The following GOLGA4 variants were observed in gnomAD, a reference collection of about 807,000 sequenced individuals.
The protein encoded by GOLGA4 is golgin A4.
Under a neutral mutation model 265.9 loss-of-function variants are expected in GOLGA4, and 169 were observed. The observed-to-expected ratio is 0.64, with a 90% CI of 0.56 to 0.72. GOLGA4 has a LOEUF of 0.72. GOLGA4 is among the 30% of genes least tolerant of loss of function. The pLI is 0.00. For synonymous variants in GOLGA4, 923 were observed against 855.8 expected (o/e 1.08, Z -1.37); for missense variants, 2,482 against 2,483.4 (o/e 1.00, Z 0.01).
At chr3:37,305,098 T>TTCTATTAA (rs1559405726) in intron 10 of GOLGA4, among the ~76,000 whole-genome samples, 1 of 152,134 alleles carries the variant, frequency 6.6e-6, no homozygotes, top group Non-Finnish European at 1.5e-5. Context: ...TTTGTATTTT[T>TTCTATTAA]AATAGAGACC....
At chr3:37,277,536 A>G (rs2096822737) in intron 2 of GOLGA4, among the ~76,000 whole-genome samples, 1 of 152,268 alleles carries the variant, frequency 6.6e-6, no homozygotes, top group African/African-American at 2.4e-5. Context: ...TAAGGACTGT[A>G]TAATTCATTA....
chr3:37,319,069 T>G lies in GOLGA4; in HGVS notation c.1420T>G (p.Ser474Ala). 6.3e-7 allele frequency: 1 copy of G among 1,589,708 alleles called. No homozygotes were observed. The highest frequency in any genetic ancestry group is 8.6e-7 in the Non-Finnish European group (1 of 1,169,526). ...CTATTTGGCTCATTTTCAGAAATCC[T>G]CAGAAGAACAAATTGCTAAGCTACA... ...QEVVDVMKKS[S>A]EEQIAKLQKL... Residue 474 changes from serine (S) to alanine (A), a missense_variant, in exon 12 of 24, where the codon TCA becomes GCA. By Grantham distance (99) the Ser-to-Ala change is moderately conservative. Around this residue, in one of 3 missense-constraint regions of GOLGA4, gnomAD observed 1,536 missense variants for 1,483.7 expected, o/e 1.04. Coordinates refer to ENST00000361924, the MANE Select transcript of GOLGA4 (RefSeq NM_002078.5).
chr3:37,332,667 T>A (rs1245616867), intron 16 of GOLGA4, among the ~76,000 whole-genome samples: 1 of 152,166 alleles, frequency 6.6e-6, no homozygotes, highest in African/African-American at 2.4e-5. Context: ...TACCCATTCC[T>A]CCTGTGTTCT....
At chr3:37,362,780 CTTTTTTT>C (rs71094906) in intron 23 of GOLGA4, among the ~76,000 whole-genome samples, 1 of 75,464 alleles carries the variant, frequency 1.3e-5, no homozygotes, top group Non-Finnish European at 2.8e-5. Flanking sequence ...AGCCTCTAAG[CTTTTTTT>C]TTTTTTTTTT....
chr3:37,365,572 A>G (rs1696686045), intron 23 of GOLGA4, among the ~76,000 whole-genome samples: 1 of 151,638 alleles, frequency 6.6e-6, no homozygotes, highest in African/African-American at 2.4e-5. Context: ...CCAGCCTGTC[A>G]TCTTTAATTC....
intron 5 of GOLGA4, among the ~76,000 whole-genome samples, chr3:37,291,273 T>A (rs1278030052): frequency 6.6e-6 from 1 of 150,648 alleles, no homozygotes; most frequent in African/African-American, 2.5e-5. Context: ...GGAATACCTG[T>A]TTTTTTTTCC....
chr3:37,352,629 G>T (rs1269843364), intron 21 of GOLGA4, among the ~76,000 whole-genome samples: 1 of 151,946 alleles, frequency 6.6e-6, no homozygotes, highest in Admixed American at 6.6e-5. Flanking sequence ...CTACGGCTTT[G>T]TCACTTCCCT....
intron 2 of GOLGA4, among the ~76,000 whole-genome samples, chr3:37,263,849 G>T (rs192149777): frequency 6.6e-6 from 1 of 152,352 alleles, no homozygotes; most frequent in African/African-American, 2.4e-5. Context: ...CACAGAAGAG[G>T]TGAATTAAAT....
intron 19 of GOLGA4, among the ~76,000 whole-genome samples, chr3:37,339,103 C>T (rs2097024380): frequency 6.6e-6 from 1 of 152,080 alleles, no homozygotes; most frequent in Non-Finnish European, 1.5e-5. Context: ...ACCTCATGAT[C>T]TGCCTGCCTC....
At chr3:37,339,897 TA>T (rs2097027142) in intron 19 of GOLGA4, among the ~76,000 whole-genome samples, 1 of 151,640 alleles carries the variant, frequency 6.6e-6, no homozygotes, top group South Asian at 2.1e-4. Context: ...GTAATTTATG[TA>T]TTTTTTTCTT....
intron 23 of GOLGA4, among the ~76,000 whole-genome samples, chr3:37,363,939 A>G (rs1335663150): frequency 6.6e-6 from 1 of 152,194 alleles, no homozygotes; most frequent in Non-Finnish European, 1.5e-5. Flanking sequence ...AGATCAAGCT[A>G]CGGTTTCAAA....
At chr3:37,289,133 A>G in intron 4 of GOLGA4, 102 bp from the exon 5 acceptor site, 1 of 661,164 alleles carries the variant, frequency 1.5e-6, no homozygotes, top group Non-Finnish European at 2.6e-6. Flanking sequence ...TTTTGGATAA[A>G]CGGTTGTAAT....
intron 21 of GOLGA4, among the ~76,000 whole-genome samples, chr3:37,349,047 CTCTT>C (rs2097065224): frequency 6.6e-6 from 1 of 152,262 alleles, no homozygotes; most frequent in South Asian, 2.1e-4. Flanking sequence ...GCTCTCTCTC[CTCTT>C]TATCTTCAGC....
In GOLGA4 at chr3:37,323,058, T is replaced by C. The variant is rs150912123; in HGVS notation, c.1702-530T>C. Among the ~76,000 whole-genome samples, 914 of 151,426 alleles carry C rather than the reference T, an allele frequency of 6.0e-3. 10 individuals carry two copies. The highest frequency in any genetic ancestry group is 0.021 in the African/African-American group (879 of 41,350). Reference sequence around the variant, plus strand: ...TAGCTGAAAAGGTTCCCCAAGTAAATAGAAAGAATCTGAAAGTATGAGTTG... The same window carrying C: ...TAGCTGAAAAGGTTCCCCAAGTAAACAGAAAGAATCTGAAAGTATGAGTTG... On this transcript the variant is annotated intron_variant, in intron 13 of 23. Transcript: ENST00000361924.
At chr3:37,321,498 G>T in intron 12 of GOLGA4, 1 of 407,342 alleles carries the variant, frequency 2.5e-6, no homozygotes, top group Non-Finnish European at 4.4e-6. Context: ...AGACATAGTG[G>T]GGTTATTGGA....
intron 11 of GOLGA4, among the ~76,000 whole-genome samples, chr3:37,318,728 C>G (rs1259517083): frequency 6.6e-6 from 1 of 152,196 alleles, no homozygotes; most frequent in African/African-American, 2.4e-5. Flanking sequence ...GGCGCACCTT[C>G]ACCAGTGTAG....
rs2096970117 is a variant in GOLGA4, at chr3:37,326,155, T to G, written c.4269T>G (p.Thr1423=). 8 of 1,613,398 alleles carry G rather than the reference T, an allele frequency of 5.0e-6. No homozygotes were observed. The highest frequency in any genetic ancestry group is 1.6e-4 in the Middle Eastern group (1 of 6,080). The change falls in exon 14 of 24, where the codon ACT becomes ACG. Residue 1423 remains threonine (T), a synonymous_variant. Coordinates refer to ENST00000361924, the MANE Select transcript of GOLGA4 (RefSeq NM_002078.5). ...QVQDLSFKVD[T]LSKEKISALE... is the part of the protein sequence containing the mutation. ...AAGATTTATCTTTTAAAGTTGACAC[T>G]CTGAGTAAAGAGAAAATTTCTGCTC...
At chr3:37,314,750 C>G (rs1282843898) in intron 10 of GOLGA4, among the ~76,000 whole-genome samples, 1 of 151,520 alleles carries the variant, frequency 6.6e-6, no homozygotes, top group Non-Finnish European at 1.5e-5. Context: ...CTTATCTTAC[C>G]CAAAAACTCC....
chr3:37,321,161 A>C (rs914300303), intron 12 of GOLGA4, among the ~76,000 whole-genome samples: 1 of 152,158 alleles, frequency 6.6e-6, no homozygotes, highest in Non-Finnish European at 1.5e-5. Flanking sequence ...AAAACACTAA[A>C]CACTTTAAAT....
Sources: allele counts gnomAD v4.1 joint callset (sites outside exome capture counted in the v4.1 genomes callset), GRCh38; gene constraint gnomAD v4.1.1; regional missense constraint gnomAD v4.1.1; transcripts MANE v1.5; gene names NCBI Gene and HGNC (gene_info 2026-07-23, HGNC 2026-07-21).